The following ARL9 variants were observed in gnomAD, a reference collection of about 807,000 sequenced individuals.
ARL9 encodes ARF like GTPase 9.
ARL9 carries 14 observed loss-of-function variants against 27.0 expected under a neutral mutation model. That is an observed-to-expected ratio of 0.52 (90% confidence interval 0.34 to 0.81). ARL9 has a LOEUF of 0.81. ARL9 is among the 30% of genes least tolerant of loss of function. The probability of loss-of-function intolerance (pLI) is 0.01; values close to 1 mark genes in which losing one functional copy is unlikely to be tolerated. For synonymous variants in ARL9, 106 were observed against 108.7 expected (o/e 0.98, Z 0.15); for missense variants, 294 against 290.0 (o/e 1.01, Z -0.10).
At chr4:56,508,121 G>A (rs1004428655) in intron 1 of ARL9, among the ~76,000 whole-genome samples, 2 of 152,108 alleles carry the variant, frequency 1.3e-5, no homozygotes, top group Non-Finnish European at 2.9e-5. Flanking sequence ...AGGGCCTCTG[G>A]TGAAGACTGA....
intron 2 of ARL9, among the ~76,000 whole-genome samples, chr4:56,517,938 T>C (rs539794623): frequency 6.6e-6 from 1 of 152,350 alleles, no homozygotes; most frequent in Non-Finnish European, 1.5e-5. Context: ...ATTATTTTAA[T>C]GTGTATTTTA....
chr4:56,511,148 T>A, intron 1 of ARL9, 37 bp from the exon 2 acceptor site: 3 of 1,492,118 alleles, frequency 2.0e-6, no homozygotes, highest in Non-Finnish European at 1.8e-6. Context: ...GAGCCCCTGA[T>A]AGCATGGGCT....
At chr4:56,514,546 A>G in intron 2 of ARL9, among the ~76,000 whole-genome samples, 1 of 152,362 alleles carries the variant, frequency 6.6e-6, no homozygotes, top group African/African-American at 2.4e-5. Flanking sequence ...ACCTGTATTA[A>G]CAAATTTGTA....
intron 2 of ARL9, among the ~76,000 whole-genome samples, chr4:56,516,718 T>A (rs1721777675): frequency 6.6e-6 from 1 of 150,674 alleles, no homozygotes; most frequent in African/African-American, 2.4e-5. Flanking sequence ...ATCACTGGAG[T>A]TCAAGGGTTC....
chr4:56,523,999 G>T lies in ARL9; in HGVS notation c.*123G>T. On this transcript the variant is annotated 3_prime_UTR_variant, in exon 4 of 4. Coordinates refer to ENST00000640821, the MANE Select transcript of ARL9 (RefSeq NM_001363794.2). ...CCATTTCCTATTTTCTCAGTGCATG[G>T]GATGTATATAGTTAGCCCTCCATAT... The T allele has an allele frequency of 1.1e-6, 1 of 890,046 alleles. No individual in the cohort carries two copies. The highest frequency in any genetic ancestry group is 1.6e-6 in the Non-Finnish European group (1 of 620,666). The allele number at this position is 890,046 out of a possible 1,614,324, so 55.1% of individuals were successfully genotyped here.
Position 56,515,484 on chromosome 4 carries a change from C to T in ARL9, c.443-3194C>T, listed in dbSNP as rs1560697956. The stretch of plus-strand genomic sequence containing the variant: ...AAGTACTAAATGTTAGAAGTACTTT[C>T]ATTCAACATTATACAGGAGGGTCTA... On this transcript the variant is annotated intron_variant, in intron 2 of 3. Transcript: ENST00000640821. Among the ~76,000 whole-genome samples the T allele has an allele frequency of 2.0e-5, 3 of 152,036 alleles. No homozygotes were observed. In the South Asian group the frequency reaches 6.2e-4, roughly 32 times the overall value.
intron 2 of ARL9, among the ~76,000 whole-genome samples, chr4:56,512,538 CTTTT>C (rs34744797): frequency 1.5e-5 from 2 of 130,058 alleles, no homozygotes; most frequent in African/African-American, 2.9e-5. Context: ...ATCAATCATT[CTTTT>C]TTTTTTTTTT....
chr4:56,520,072 G>A lies in ARL9; in HGVS notation c.618+1219G>A, dbSNP rs963924245. Among the ~76,000 whole-genome samples, 6 of 151,420 alleles carry A rather than the reference G, an allele frequency of 4.0e-5. No individual in the cohort carries two copies. The South Asian group carries it at 1.0e-3, about 26-fold the overall frequency. On this transcript the variant is annotated intron_variant, in intron 3 of 3. Transcript: ENST00000640821. ...GGCTGGAGTGCAATGGCGCAATTTCGGCTAACCACAACCTCCGCCTCCCAG... is the reference window on the plus strand; with the variant it reads ...GGCTGGAGTGCAATGGCGCAATTTCAGCTAACCACAACCTCCGCCTCCCAG...
rs554456785 is a variant in ARL9 at position 56,523,948 on chromosome 4, G to A, written c.*72G>A. 135 of 1,403,516 alleles carry A rather than the reference G, an allele frequency of 9.6e-5. No individual in the cohort carries two copies. The African/African-American group carries it at 1.2e-3, about 12-fold the overall frequency. 86.9% of individuals were successfully genotyped at this position (1,403,516 alleles called of 1,614,324 possible). A position where few individuals can be genotyped will look rare whatever the true frequency, so the allele number is the denominator to read the frequency against. ...GTTGAATGGCAGGCTTGAAGCCAAA[G>A]GTTTCCACCTCAAATAAAAATTAAG... On this transcript the variant is annotated 3_prime_UTR_variant, in exon 4 of 4. Transcript: ENST00000640821.
chr4:56,505,315 A>T, upstream of ARL9: 1 of 446,160 alleles, frequency 2.2e-6, no homozygotes, highest in Non-Finnish European at 4.5e-6. Flanking sequence ...GAAATACATG[A>T]CATGAGCAGT....
At chr4:56,519,003 G>A in intron 3 of ARL9, 150 bp downstream of exon 3, 1 of 774,364 alleles carries the variant, frequency 1.3e-6, no homozygotes, top group Non-Finnish European at 2.0e-6. Flanking sequence ...CTTGAGGGTA[G>A]AGACTGTTGT....
Position 56,505,922 on chromosome 4 carries a change from C to A in ARL9, c.60C>A (p.Ile20=). 8.1e-7 allele frequency: 1 copy of A among 1,238,160 alleles called. No individual in the cohort carries two copies. The highest frequency in any genetic ancestry group is 1.0e-6 in the Non-Finnish European group (1 of 989,810). 76.7% of individuals were successfully genotyped at this position (1,238,160 alleles called of 1,614,324 possible). Residue 20 remains isoleucine, a synonymous_variant, in exon 1 of 4, where the codon ATC becomes ATA. Coordinates refer to ENST00000640821, the MANE Select transcript of ARL9 (RefSeq NM_001363794.2). ...AAAAGGAGACGCAGGAGGAGAAAAT[C>A]GGAGAAAAGGGTAGGGAAGAGAAAG... ...EKEKETQEEK[I]GEKGREEKVK...
intron 1 of ARL9, 105 bp downstream of exon 1, chr4:56,506,246 G>T: frequency 2.7e-6 from 3 of 1,109,966 alleles, no homozygotes; most frequent in Non-Finnish European, 3.4e-6. Context: ...GCGTGGGAGC[G>T]AATGGATCTC....
chr4:56,518,427 A>G (rs1721825047), intron 2 of ARL9, among the ~76,000 whole-genome samples: 1 of 152,170 alleles, frequency 6.6e-6, no homozygotes, highest in Non-Finnish European at 1.5e-5. Flanking sequence ...CCACTGTAGT[A>G]TTTAGCATCT....
At chr4:56,515,151 G>A (rs1447296070) in intron 2 of ARL9, among the ~76,000 whole-genome samples, 13 of 151,856 alleles carry the variant, frequency 8.6e-5, no homozygotes, top group Admixed American at 8.5e-4. Context: ...CTACTCAGGA[G>A]GCTGAAGCAG....
At position 56,518,698 on chromosome 4, in the gene ARL9, C is replaced by T. The variant is rs777668617; in HGVS notation, c.463C>T (p.Arg155Trp). Residue 155 changes from arginine to tryptophan, a missense_variant, in exon 3 of 4, where the codon CGG (arginine) becomes TGG (tryptophan). Physicochemically the swap from Arg to Trp is moderately radical, Grantham distance 101. Transcript: ENST00000640821. ...FLEIGGSKPF[R>W]SYWEMYLSKG... is the part of the protein sequence containing the mutation. ...TGTAGTTGGTGGCAGTAAACCTTTT[C>T]GGTCCTACTGGGAAATGTACCTATC... The T allele has an allele frequency of 2.1e-5, 34 of 1,612,962 alleles. No homozygotes were observed. In the African/African-American group the frequency reaches 2.1e-4, roughly 10 times the overall value.
chr4:56,512,889 C>G (rs1721675872), intron 2 of ARL9, among the ~76,000 whole-genome samples: 1 of 151,986 alleles, frequency 6.6e-6, no homozygotes, highest in Admixed American at 6.6e-5. Context: ...TTTGCTTTCT[C>G]CATAAGGTTT....
rs745376719 is a variant in ARL9, at chr4:56,511,303, C to A, written c.398C>A (p.Ala133Glu). 4 of 1,613,862 alleles carry A rather than the reference C, an allele frequency of 2.5e-6. No individual in the cohort carries two copies. The highest frequency in any genetic ancestry group is 3.4e-6 in the Non-Finnish European group (4 of 1,179,800). Residue 133 changes from alanine to glutamate, a missense_variant, in exon 2 of 4, where the codon GCA (alanine) becomes GAA (glutamate). By Grantham distance (107) the Ala-to-Glu change is moderately radical (BLOSUM62 -1). Transcript: ENST00000640821. ...HSVAPTQGFH[A>E]VCINTEDSQM... ...GTGGCACCCACCCAAGGTTTCCATGCAGTTTGCATCAACACTGAAGACAGC... is the reference window on the plus strand; with the variant it reads ...GTGGCACCCACCCAAGGTTTCCATGAAGTTTGCATCAACACTGAAGACAGC...
intron 2 of ARL9, among the ~76,000 whole-genome samples, chr4:56,517,188 CTA>C (rs569110012): frequency 3.3e-4 from 51 of 152,270 alleles, no homozygotes; most frequent in Middle Eastern, 3.4e-3. Flanking sequence ...GATGTTTAAA[CTA>C]TGTGTGTTAA....
Sources: allele counts gnomAD v4.1 joint callset (sites outside exome capture counted in the v4.1 genomes callset), GRCh38; gene constraint gnomAD v4.1.1; transcripts MANE v1.5; gene names NCBI Gene and HGNC (gene_info 2026-07-23, HGNC 2026-07-21).